Variants in CASK observed in about 807,000 individuals in gnomAD.
CASK encodes the protein calcium/calmodulin dependent serine protein kinase.
In CASK, 4 loss-of-function variants were observed where a neutral mutation model predicts 82.9. That is an observed-to-expected ratio of 0.05 (90% CI 0.02 to 0.11). The LOEUF (loss-of-function observed/expected upper bound fraction) is 0.11, where lower values mean the gene tolerates loss of function less well. Among genes scored for constraint, CASK ranks in the 10% least tolerant of loss-of-function variants. The pLI is 1.00. For synonymous variants in CASK, 259 were observed against 253.5 expected, an observed-to-expected ratio of 1.02 and a Z score of -0.20; for missense variants, 358 against 720.9, an observed-to-expected ratio of 0.50 and a Z score of 5.76.
intron 5 of CASK, among the ~76,000 whole-genome samples, chrX:41,708,848 G>A (rs1313292683): frequency 1.8e-5 from 2 of 110,837 alleles, no homozygotes; most frequent in Non-Finnish European, 3.8e-5. Context: ...TTTAACGCAG[G>A]TTTCTTCTTT....
intron 5 of CASK, among the ~76,000 whole-genome samples, chrX:41,703,662 C>T (rs1370577903): frequency 8.9e-6 from 1 of 112,395 alleles, no homozygotes; most frequent in African/African-American, 3.2e-5. Flanking sequence ...CAAGTGAATT[C>T]TTTTGTATAC....
rs553102748 is a variant in CASK, at chrX:41,518,874, T to A, written c.*1546A>T. Reference sequence around the variant, plus strand: ...GAACCCCAGCCCGAATCTCCTGTATTGGAAGAATGTGACTTCATGGAAGAG... The same window carrying A: ...GAACCCCAGCCCGAATCTCCTGTATAGGAAGAATGTGACTTCATGGAAGAG... On this transcript the variant is annotated 3_prime_UTR_variant, in exon 27 of 27. Transcript: ENST00000378163. 1 of 111,873 alleles carries A rather than the reference T, an allele frequency of 8.9e-6. No individual in the cohort carries two copies. Among genetic ancestry groups the A allele is most frequent in the Admixed American group, 9.5e-5 (1 of 10,540 alleles). 9.2% of individuals were successfully genotyped at this position (111,873 alleles called of 1,213,427 possible). A position where few individuals can be genotyped will look rare whatever the true frequency, so the allele number is the denominator to read the frequency against.
intron 5 of CASK, chrX:41,728,137 T>C (rs2068302058): frequency 2.5e-6 from 1 of 395,644 alleles, no homozygotes; most frequent in African/African-American, 2.6e-5. Flanking sequence ...TGGTTGACAA[T>C]AATCACCAAG....
At chrX:41,540,922 C>T (rs2064938497) in intron 22 of CASK, among the ~76,000 whole-genome samples, 1 of 112,657 alleles carries the variant, frequency 8.9e-6, no homozygotes, top group East Asian at 2.8e-4. Context: ...TACATGACCT[C>T]TATTAGTACA....
chrX:41,888,746 T>A (rs939974726), intron 1 of CASK, among the ~76,000 whole-genome samples: 1 of 99,811 alleles, frequency 1.0e-5, no homozygotes, highest in Non-Finnish European at 2.0e-5. Flanking sequence ...TATATACATA[T>A]ATATGTATAT....
intron 14 of CASK, among the ~76,000 whole-genome samples, chrX:41,580,556 A>T (rs2065559314): frequency 8.9e-6 from 1 of 111,838 alleles, no homozygotes; most frequent in African/African-American, 3.3e-5. Context: ...ATAATACTCA[A>T]ACTGGACTCT....
chrX:41,658,087 T>C (rs2066972263), intron 8 of CASK, among the ~76,000 whole-genome samples: 1 of 111,850 alleles, frequency 8.9e-6, no homozygotes. Context: ...GCTGTACACA[T>C]GGAGGTTCCT....
chrX:41,779,852 A>T (rs750794462), intron 3 of CASK, among the ~76,000 whole-genome samples: 4 of 111,103 alleles, frequency 3.6e-5, no homozygotes, highest in Non-Finnish European at 3.8e-5. Context: ...GACCAAAAAA[A>T]AATAATAATA....
At chrX:41,530,166 T>C (rs1252910187) in intron 25 of CASK, among the ~76,000 whole-genome samples, 2 of 111,353 alleles carry the variant, frequency 1.8e-5, no homozygotes, top group Non-Finnish European at 1.9e-5. Flanking sequence ...AGGAGTCACA[T>C]GGCACCCACA....
intron 1 of CASK, among the ~76,000 whole-genome samples, chrX:41,860,330 A>G (rs1283526298): frequency 1.8e-5 from 2 of 111,401 alleles, no homozygotes; most frequent in African/African-American, 6.5e-5. Flanking sequence ...GGCAAAAAGG[A>G]AACAAAGCTA....
chrX:41,753,231 T>G (rs891938978), intron 3 of CASK, among the ~76,000 whole-genome samples: 1 of 111,871 alleles, frequency 8.9e-6, no homozygotes, highest in Non-Finnish European at 1.9e-5. Context: ...TTGAAATTTT[T>G]TGTTTTCTTC....
Position 41,751,983 on chromosome X carries a change from T to G in CASK, c.279-6382A>C, listed in dbSNP as rs143593657. Among the ~76,000 whole-genome samples the G allele has an allele frequency of 9.5e-3, 1,018 of 106,963 alleles. 16 individuals are homozygous for G. The highest frequency in any genetic ancestry group is 0.033 in the African/African-American group (964 of 29,272). The allele number at this position is 106,963 out of a possible 115,157, so 92.9% of individuals were successfully genotyped here. On this transcript the variant is annotated intron_variant, in intron 3 of 26. Transcript: ENST00000378163. ...ATCGCTTGAGCCCAGGAGATTGAGG[T>G]TGCAGTGAGCCATGACTCTGTCAGT... is the stretch of plus-strand genomic sequence containing the variant.
At chrX:41,861,606 G>A (rs766988383) in intron 1 of CASK, among the ~76,000 whole-genome samples, 4 of 105,345 alleles carry the variant, frequency 3.8e-5, no homozygotes, top group African/African-American at 1.4e-4. Flanking sequence ...TTTCCCCAAT[G>A]AAAATAAGAC....
At chrX:41,659,277 G>T (rs1379639243) in intron 8 of CASK, among the ~76,000 whole-genome samples, 1 of 109,392 alleles carries the variant, frequency 9.1e-6, no homozygotes, top group Non-Finnish European at 1.9e-5. Context: ...ACCCAGGCTG[G>T]AGTATAGTGA....
chrX:41,897,722 T>C (rs778074704), intron 1 of CASK, among the ~76,000 whole-genome samples: 26 of 111,207 alleles, frequency 2.3e-4, no homozygotes, highest in African/African-American at 7.5e-4. Context: ...TTTGTTAAGG[T>C]CACACAGTAA....
intron 5 of CASK, among the ~76,000 whole-genome samples, chrX:41,675,169 G>A (rs1382147138): frequency 3.6e-5 from 4 of 112,177 alleles, no homozygotes; most frequent in Non-Finnish European, 7.5e-5. Context: ...AATGTGAACC[G>A]TTTCTGCCCT....
chrX:41,751,971 A>G (rs1569432917), intron 3 of CASK, among the ~76,000 whole-genome samples: 1 of 107,591 alleles, frequency 9.3e-6, no homozygotes, highest in African/African-American at 3.4e-5. Context: ...GCTTGAGCCC[A>G]GGAGATTGAG....
intron 5 of CASK, chrX:41,695,542 C>A: frequency 1.8e-6 from 1 of 560,562 alleles, no homozygotes; most frequent in Non-Finnish European, 2.9e-6. Context: ...CAATGTTTGG[C>A]ATTCCGTTGT....
chrX:41,716,900 T>C (rs1228625277), intron 5 of CASK, among the ~76,000 whole-genome samples: 1 of 111,734 alleles, frequency 8.9e-6, no homozygotes, highest in Non-Finnish European at 1.9e-5. Flanking sequence ...TTAACTCCCT[T>C]GTTCTTTGTT....
Sources: allele counts gnomAD v4.1 joint callset (sites outside exome capture counted in the v4.1 genomes callset), GRCh38; gene constraint gnomAD v4.1.1; transcripts MANE v1.5; gene names NCBI Gene and HGNC (gene_info 2026-07-23, HGNC 2026-07-21).